ANKS1B: variants seen among roughly 807,000 people sequenced by gnomAD.
The protein encoded by ANKS1B is ankyrin repeat and sterile alpha motif domain containing 1B.
ANKS1B carries 36 observed loss-of-function variants against 148.3 expected under a neutral mutation model. The observed-to-expected ratio is 0.24, with a 90% CI of 0.19 to 0.32. The LOEUF is 0.32. Ranked by LOEUF, ANKS1B falls within the 10% of genes least tolerant of loss-of-function variation. ANKS1B has a pLI of 1.00. For synonymous variants in ANKS1B, 542 were observed against 560.8 expected (o/e 0.97, Z 0.47); for missense variants, 1,157 against 1,542.6 (o/e 0.75, Z 4.19).
chr12:99,900,522 A>C (rs1441370631), intron 1 of ANKS1B, among the ~76,000 whole-genome samples: 1 of 148,926 alleles, frequency 6.7e-6, no homozygotes, highest in Non-Finnish European at 1.5e-5. Context: ...AAAAAAAAAA[A>C]AAAAAACTAT....
intron 11 of ANKS1B, among the ~76,000 whole-genome samples, chr12:99,409,110 A>C (rs1022322174): frequency 6.6e-6 from 1 of 152,232 alleles, no homozygotes; most frequent in African/African-American, 2.4e-5. Flanking sequence ...GTGTCTATCA[A>C]CATATGAATG....
At chr12:98,812,425 C>T (rs189081774) in intron 19 of ANKS1B, among the ~76,000 whole-genome samples, 4 of 152,250 alleles carry the variant, frequency 2.6e-5, no homozygotes, top group Admixed American at 1.3e-4. Context: ...CACACTATGA[C>T]GTTTGCATGA....
chr12:98,944,380 G>A (rs2099841983), intron 17 of ANKS1B, among the ~76,000 whole-genome samples: 1 of 149,128 alleles, frequency 6.7e-6, no homozygotes, highest in South Asian at 2.1e-4. Flanking sequence ...TGCCATGATT[G>A]AAAGCTTCCT....
chr12:99,597,479 C>T (rs2097767868), intron 9 of ANKS1B, among the ~76,000 whole-genome samples: 1 of 151,998 alleles, frequency 6.6e-6, no homozygotes, highest in East Asian at 1.9e-4. Flanking sequence ...TTAAAGCAAT[C>T]ATGTAAGACG....
intron 14 of ANKS1B, among the ~76,000 whole-genome samples, chr12:99,158,755 C>T (rs1403564599): frequency 1.3e-5 from 2 of 152,328 alleles, no homozygotes; most frequent in East Asian, 3.9e-4. Flanking sequence ...ATAGCTCCCT[C>T]TGGCCCCTCC....
intron 8 of ANKS1B, among the ~76,000 whole-genome samples, chr12:99,665,780 GTTTC>G (rs1462878983): frequency 1.8e-4 from 27 of 152,080 alleles, no homozygotes; most frequent in Non-Finnish European, 3.1e-4. Context: ...CGTGAGCCAA[GTTTC>G]TTTGACTTCT....
intron 14 of ANKS1B, among the ~76,000 whole-genome samples, chr12:99,217,457 C>T (rs916235251): frequency 6.6e-6 from 1 of 152,084 alleles, no homozygotes; most frequent in African/African-American, 2.4e-5. Context: ...ATTCTGACTG[C>T]CTGGATGTTC....
intron 25 of ANKS1B, among the ~76,000 whole-genome samples, chr12:98,772,144 C>T (rs1015321220): frequency 2.0e-5 from 3 of 152,128 alleles, no homozygotes; most frequent in African/African-American, 7.2e-5. Context: ...CCAAAATGTA[C>T]TTGGTGTTAT....
chr12:99,712,257 AG>A (rs1431625096), intron 8 of ANKS1B, among the ~76,000 whole-genome samples: 1 of 152,304 alleles, frequency 6.6e-6, no homozygotes, highest in South Asian at 2.1e-4. Context: ...CAGACAAAAT[AG>A]GTTGTTTCAT....
chr12:99,832,777 A>T (rs1299087242), intron 1 of ANKS1B, among the ~76,000 whole-genome samples: 1 of 152,080 alleles, frequency 6.6e-6, no homozygotes, highest in Middle Eastern at 3.2e-3. Flanking sequence ...CCAGCAAAAA[A>T]AAAATAAAAA....
chr12:99,949,319 T>G (rs1013590652), intron 1 of ANKS1B, among the ~76,000 whole-genome samples: 3 of 152,144 alleles, frequency 2.0e-5, no homozygotes, highest in Admixed American at 2.0e-4. Context: ...ATATACACAG[T>G]TTTGAAAAGC....
intron 15 of ANKS1B, among the ~76,000 whole-genome samples, chr12:99,127,938 G>A (rs2064897875): frequency 6.6e-6 from 1 of 152,120 alleles, no homozygotes; most frequent in African/African-American, 2.4e-5. Flanking sequence ...TATTATAAAA[G>A]ACACAATGTG....
intron 14 of ANKS1B, among the ~76,000 whole-genome samples, chr12:99,200,006 GCAAA>G (rs2081880119): frequency 6.6e-6 from 1 of 152,194 alleles, no homozygotes; most frequent in African/African-American, 2.4e-5. Context: ...TGTAGAAACA[GCAAA>G]CAGCCTGACT....
chr12:98,869,682 T>TGCACATACACACATACACACACAC (rs71081887), intron 17 of ANKS1B, among the ~76,000 whole-genome samples: 1 of 151,516 alleles, frequency 6.6e-6, no homozygotes, highest in Non-Finnish European at 1.5e-5. Flanking sequence ...GTGGAATGCA[T>TGCACATACACACATACACACACAC]ACATATGTAT....
At chr12:99,280,350 T>C (rs995494279) in intron 12 of ANKS1B, among the ~76,000 whole-genome samples, 14 of 152,216 alleles carry the variant, frequency 9.2e-5, no homozygotes, top group African/African-American at 2.9e-4. Context: ...CTTGTCTTGC[T>C]GGATACATAA....
At chr12:99,872,410 A>T (rs1483580808) in intron 1 of ANKS1B, among the ~76,000 whole-genome samples, 1 of 152,062 alleles carries the variant, frequency 6.6e-6, no homozygotes, top group African/African-American at 2.4e-5. Flanking sequence ...TGTATGTATG[A>T]TATACTTCAA....
At chr12:99,238,104 C>G (rs906071324) in intron 14 of ANKS1B, among the ~76,000 whole-genome samples, 6 of 152,216 alleles carry the variant, frequency 3.9e-5, no homozygotes, top group Non-Finnish European at 8.8e-5. Flanking sequence ...TGTTGCCTCA[C>G]CCAGGAAGTG....
At chr12:98,734,916 A>G in exon 10 of ANKS1B, 1 of 340,984 alleles carries the variant, frequency 2.9e-6, no homozygotes. Context: ...AACAACACAC[A>G]TCAGGTTTTA....
At chr12:99,058,958 C>G (rs924979654) in intron 16 of ANKS1B, among the ~76,000 whole-genome samples, 1 of 151,420 alleles carries the variant, frequency 6.6e-6, no homozygotes, top group Non-Finnish European at 1.5e-5. Context: ...AGGATGGTCT[C>G]GATCTCCTGA....
Sources: gnomAD v4.1 joint callset for allele counts (sites outside exome capture counted in the v4.1 genomes callset) on GRCh38, gnomAD v4.1.1 for gene constraint, MANE v1.5 for transcripts, NCBI Gene and HGNC (gene_info 2026-07-23, HGNC 2026-07-21) for gene names.